Variants in KCNH7 observed in about 807,000 individuals in gnomAD.
The protein encoded by KCNH7 is voltage-gated inwardly rectifying potassium channel KCNH7.
In KCNH7, 49 loss-of-function variants were observed where a neutral mutation model predicts 120.8. That is an observed-to-expected ratio of 0.41 (90% CI 0.32 to 0.51). The LOEUF is 0.51. Among genes scored for constraint, KCNH7 ranks in the 20% least tolerant of loss-of-function variants. KCNH7 has a pLI of 0.38. For missense variants in KCNH7, 1,097 were observed against 1,446.6 expected (o/e 0.76, Z 3.92); for synonymous variants, 547 against 516.1 (o/e 1.06, Z -0.81).
intron 13 of KCNH7, 81 bp from the exon 14 acceptor site, chr2:162,380,102 C>A: frequency 6.6e-7 from 1 of 1,509,078 alleles, no homozygotes. Flanking sequence ...ACAAGACAAG[C>A]TGGAAAGGAT....
chr2:162,683,762 T>G (rs1685790184), intron 2 of KCNH7, among the ~76,000 whole-genome samples: 1 of 151,654 alleles, frequency 6.6e-6, no homozygotes, highest in South Asian at 2.1e-4. Context: ...AAAGATATTT[T>G]TGAATGCCCA....
intron 2 of KCNH7, among the ~76,000 whole-genome samples, chr2:162,570,108 C>G (rs988891360): frequency 6.1e-5 from 9 of 148,534 alleles, no homozygotes; most frequent in Non-Finnish European, 1.5e-5. Flanking sequence ...TCTCGTTGAT[C>G]TGTCTAATGT....
At chr2:162,675,411 T>G (rs1199148435) in intron 2 of KCNH7, among the ~76,000 whole-genome samples, 2 of 151,590 alleles carry the variant, frequency 1.3e-5, no homozygotes, top group Non-Finnish European at 3.0e-5. Context: ...AATTTTGAAT[T>G]ACTTAGTAAA....
chr2:162,666,402 A>G (rs984239056), intron 2 of KCNH7, among the ~76,000 whole-genome samples: 6 of 145,930 alleles, frequency 4.1e-5, no homozygotes, highest in African/African-American at 1.5e-4. Flanking sequence ...ACCATTTCAC[A>G]ATACTTTTGA....
intron 2 of KCNH7, among the ~76,000 whole-genome samples, chr2:162,544,010 T>C (rs188426564): frequency 6.6e-6 from 1 of 152,292 alleles, no homozygotes; most frequent in East Asian, 1.9e-4. Flanking sequence ...AGATTAATTC[T>C]CTTGTCCAGA....
Position 162,616,520 on chromosome 2 carries a change from T to A in KCNH7, c.308-79440A>T, listed in dbSNP as rs189566143. Among the ~76,000 whole-genome samples, 281 of 152,320 alleles carry A rather than the reference T, an allele frequency of 1.8e-3. 1 individual carries two copies. Among genetic ancestry groups the A allele is most frequent in the Non-Finnish European group, 3.3e-3 (226 of 68,038 alleles). ...TAACTTTCTGGGTCTTTGTTCCTCA[T>A]CTGTAGAGTGAGTGGGTCAGATTGT... On this transcript the variant is annotated intron_variant, in intron 2 of 15. Transcript: ENST00000332142.
intron 2 of KCNH7, among the ~76,000 whole-genome samples, chr2:162,778,650 A>AG (rs35322671): frequency 0.28 from 42,529 of 152,094 alleles, 6,885 homozygotes; most frequent in African/African-American, 0.45. Flanking sequence ...AAATATCAAA[A>AG]GTATATTTTA....
chr2:162,702,147 AG>A (rs1452491928), intron 2 of KCNH7, among the ~76,000 whole-genome samples: 1 of 152,200 alleles, frequency 6.6e-6, no homozygotes, highest in Non-Finnish European at 1.5e-5. Flanking sequence ...TTTAAAGTAA[AG>A]CAAGAACAAT....
At position 162,426,586 on chromosome 2, in the gene KCNH7, G is replaced by A. The variant is rs969339169; in HGVS notation, c.1955-3051C>T. ...CTTAAAAATTCCTTCAGCACACCAC[G>A]CCTTAATTCTGATATGCTGACCATA... On this transcript the variant is annotated intron_variant, in intron 8 of 15. Coordinates refer to ENST00000332142, the MANE Select transcript of KCNH7 (RefSeq NM_033272.4). Among the ~76,000 whole-genome samples, 8 of 152,132 alleles carry A rather than the reference G, an allele frequency of 5.3e-5. No individual in the cohort carries two copies. The East Asian group carries it at 1.4e-3, about 26-fold the overall frequency.
At chr2:162,772,292 A>G (rs983697801) in intron 2 of KCNH7, among the ~76,000 whole-genome samples, 15 of 152,264 alleles carry the variant, frequency 9.9e-5, no homozygotes, top group African/African-American at 3.1e-4. Context: ...ATTTTTTATG[A>G]GGTAAGCTAT....
intron 2 of KCNH7, among the ~76,000 whole-genome samples, chr2:162,683,263 ATC>A (rs1329998765): frequency 2.0e-5 from 3 of 151,882 alleles, no homozygotes; most frequent in African/African-American, 7.2e-5. Context: ...TTAAATGTAC[ATC>A]TCTTATTCAG....
intron 2 of KCNH7, among the ~76,000 whole-genome samples, chr2:162,772,355 G>A (rs10193044): frequency 0.28 from 42,556 of 151,960 alleles, 6,905 homozygotes; most frequent in African/African-American, 0.45. Context: ...CCTCTAAAAT[G>A]TATCCCTATT....
At chr2:162,470,511 C>G (rs1165804043) in intron 6 of KCNH7, among the ~76,000 whole-genome samples, 1 of 152,034 alleles carries the variant, frequency 6.6e-6, no homozygotes, top group Non-Finnish European at 1.5e-5. Context: ...CTCTGCCGGG[C>G]AGCCACCCCG....
At chr2:162,491,360 G>GT (rs908954237) in intron 6 of KCNH7, among the ~76,000 whole-genome samples, 4 of 152,132 alleles carry the variant, frequency 2.6e-5, no homozygotes, top group African/African-American at 7.2e-5. Context: ...TATGCAAGAG[G>GT]TTTTTTTGTT....
At chr2:162,460,540 T>C (rs1689114999) in intron 6 of KCNH7, among the ~76,000 whole-genome samples, 1 of 152,154 alleles carries the variant, frequency 6.6e-6, no homozygotes, top group Non-Finnish European at 1.5e-5. Context: ...GGAAGAATGC[T>C]TTGTGATGCT....
At chr2:162,722,023 T>G (rs763880190) in intron 2 of KCNH7, among the ~76,000 whole-genome samples, 6 of 152,094 alleles carry the variant, frequency 3.9e-5, no homozygotes, top group Non-Finnish European at 7.4e-5. Context: ...ATGACATACT[T>G]CTTTATGATG....
In KCNH7 at chr2:162,733,910, C is replaced by T. The variant is rs1015498855; in HGVS notation, c.307+102627G>A. ...AATGTAAATTAATATTAACTGAAGT[C>T]TCACCATGTACCAGGTATTTTTCAT... On this transcript the variant is annotated intron_variant, in intron 2 of 15. Transcript: ENST00000332142. Among the ~76,000 whole-genome samples, 11 of 152,070 alleles carry T rather than the reference C, an allele frequency of 7.2e-5. 1 individual carries two copies. Among genetic ancestry groups the T allele is most frequent in the Admixed American group, 6.6e-4 (10 of 15,258 alleles).
intron 2 of KCNH7, among the ~76,000 whole-genome samples, chr2:162,826,232 G>A (rs2105605093): frequency 6.6e-6 from 1 of 152,222 alleles, no homozygotes; most frequent in Non-Finnish European, 1.5e-5. Context: ...CAGCATAATT[G>A]CAAGGTTTTA....
At chr2:162,718,888 C>T (rs562211340) in intron 2 of KCNH7, among the ~76,000 whole-genome samples, 15 of 151,918 alleles carry the variant, frequency 9.9e-5, no homozygotes, top group Non-Finnish European at 1.5e-4. Context: ...TTATTTTGCC[C>T]GGTGGATATG....
Sources: gnomAD v4.1 joint callset for allele counts (sites outside exome capture counted in the v4.1 genomes callset) on GRCh38, gnomAD v4.1.1 for gene constraint, MANE v1.5 for transcripts, NCBI Gene and HGNC (gene_info 2026-07-23, HGNC 2026-07-21) for gene names.